Variants in DNAJC1 observed in about 807,000 individuals in gnomAD.
DNAJC1 encodes the protein DnaJ heat shock protein family (Hsp40) member C1.
In DNAJC1, 58 loss-of-function variants were observed where a neutral mutation model predicts 76.6. The ratio of observed to expected loss-of-function variants is 0.76; its 90% CI spans 0.61 to 0.94. The LOEUF (loss-of-function observed/expected upper bound fraction) is 0.94. DNAJC1 is among the 40% of genes least tolerant of loss of function. DNAJC1 has a pLI of 0.00. For missense variants in DNAJC1, 689 were observed against 677.3 expected, an observed-to-expected ratio of 1.02 and a Z score of -0.19; for synonymous variants, 258 against 267.9, an observed-to-expected ratio of 0.96 and a Z score of 0.36.
intron 8 of DNAJC1, among the ~76,000 whole-genome samples, chr10:21,851,456 A>C (rs1467055620): frequency 6.6e-6 from 1 of 152,206 alleles, no homozygotes; most frequent in African/African-American, 2.4e-5. Flanking sequence ...TGGCTATAAC[A>C]ATCACAACCA....
intron 1 of DNAJC1, among the ~76,000 whole-genome samples, chr10:21,974,748 T>C (rs1317602680): frequency 1.3e-5 from 2 of 152,196 alleles, no homozygotes; most frequent in African/African-American, 4.8e-5. Context: ...CACTGTGATA[T>C]TGTTTAAAAT....
chr10:21,861,856 C>CT (rs1384326574), intron 8 of DNAJC1, among the ~76,000 whole-genome samples: 1 of 152,140 alleles, frequency 6.6e-6, no homozygotes, highest in Non-Finnish European at 1.5e-5. Flanking sequence ...ACCAGCAGCC[C>CT]TTGGGGCTGC....
intron 9 of DNAJC1, among the ~76,000 whole-genome samples, chr10:21,768,350 T>C (rs1381830401): frequency 6.6e-6 from 1 of 152,216 alleles, no homozygotes; most frequent in African/African-American, 2.4e-5. Flanking sequence ...TCAGAAAGCA[T>C]GATCATTAAG....
chr10:21,917,778 C>T lies in DNAJC1; in HGVS notation c.729+1001G>A, dbSNP rs74121000. Among the ~76,000 whole-genome samples the T allele has an allele frequency of 5.7e-3, 859 of 151,988 alleles. 8 individuals carry two copies. The highest frequency in any genetic ancestry group is 0.02 in the African/African-American group (813 of 41,528). ...TATAAGCAATAACTATTAAGATGAA[C>T]TATTTTGATGGAAGAACTGGTAATT... On this transcript the variant is annotated intron_variant, in intron 6 of 11. Transcript: ENST00000376980.
chr10:21,783,314 G>C (rs1834558213), intron 9 of DNAJC1, among the ~76,000 whole-genome samples: 1 of 152,130 alleles, frequency 6.6e-6, no homozygotes, highest in South Asian at 2.1e-4. Flanking sequence ...GCTTCAAAGA[G>C]AATAAAATAC....
chr10:21,920,477 T>A (rs1371973697), intron 4 of DNAJC1: 1 of 182,354 alleles, frequency 5.5e-6, no homozygotes, highest in African/African-American at 2.3e-5. Flanking sequence ...CAAAAAAATC[T>A]AAAATCAGTC....
chr10:21,837,907 G>T (rs1393009105), intron 8 of DNAJC1, among the ~76,000 whole-genome samples: 7 of 144,954 alleles, frequency 4.8e-5, no homozygotes, highest in Admixed American at 4.7e-4. Context: ...CGCCCCGTCC[G>T]GGAGGGAGGT....
chr10:21,952,677 T>G (rs1377616093), intron 1 of DNAJC1, among the ~76,000 whole-genome samples: 1 of 152,140 alleles, frequency 6.6e-6, no homozygotes, highest in African/African-American at 2.4e-5. Context: ...GAGAATCACT[T>G]GAAACTGGGA....
At chr10:21,970,242 T>C (rs917910267) in intron 1 of DNAJC1, among the ~76,000 whole-genome samples, 2 of 152,120 alleles carry the variant, frequency 1.3e-5, no homozygotes, top group Non-Finnish European at 2.9e-5. Flanking sequence ...CACTATACAT[T>C]TGGTAAATTC....
chr10:21,815,033 G>A lies in DNAJC1; in HGVS notation c.979-8934C>T, dbSNP rs369652878. 2.6e-5 allele frequency among the ~76,000 whole-genome samples: 4 copies of A among 152,254 alleles called. No individual in the cohort carries two copies. The East Asian group carries it at 7.7e-4, about 29-fold the overall frequency. ...AGTCAGGCAGAGGGGCAAACTCCAC[G>A]ACCTCAGCTAGAAAGCACTGTGGCT... On this transcript the variant is annotated intron_variant, in intron 8 of 11. Transcript: ENST00000376980.
intron 6 of DNAJC1, among the ~76,000 whole-genome samples, chr10:21,918,249 T>A (rs555612648): frequency 4.6e-4 from 70 of 151,874 alleles, no homozygotes; most frequent in African/African-American, 1.5e-3. Flanking sequence ...TATTATTTAA[T>A]CAAGACTAAA....
intron 7 of DNAJC1, among the ~76,000 whole-genome samples, chr10:21,895,316 C>T (rs1206129112): frequency 2.0e-5 from 3 of 152,018 alleles, no homozygotes; most frequent in East Asian, 1.9e-4. Context: ...TCTGATAAGG[C>T]GTTAGTTGGA....
intron 8 of DNAJC1, among the ~76,000 whole-genome samples, chr10:21,838,957 C>T (rs1300908325): frequency 1.3e-5 from 2 of 152,160 alleles, no homozygotes; most frequent in African/African-American, 2.4e-5. Context: ...CACTCAAAAC[C>T]GCTCAACTAC....
intron 1 of DNAJC1, among the ~76,000 whole-genome samples, chr10:21,983,644 C>G (rs1838192475): frequency 6.6e-6 from 1 of 151,450 alleles, no homozygotes; most frequent in East Asian, 1.9e-4. Flanking sequence ...TGACTTGAAC[C>G]TGGGAGGCAG....
At chr10:21,907,670 T>C (rs1250616216) in intron 6 of DNAJC1, among the ~76,000 whole-genome samples, 2 of 152,034 alleles carry the variant, frequency 1.3e-5, no homozygotes, top group Admixed American at 1.3e-4. Context: ...ATGAAAGTTT[T>C]GACTTTGGAT....
At chr10:21,913,903 C>G (rs1057116054) in intron 6 of DNAJC1, among the ~76,000 whole-genome samples, 5 of 152,176 alleles carry the variant, frequency 3.3e-5, no homozygotes, top group Non-Finnish European at 5.9e-5. Flanking sequence ...CTGGGGATCA[C>G]TCTACTTGCT....
At chr10:21,908,792 ACTC>A (rs1454901614) in intron 6 of DNAJC1, among the ~76,000 whole-genome samples, 2 of 152,062 alleles carry the variant, frequency 1.3e-5, no homozygotes, top group Non-Finnish European at 2.9e-5. Flanking sequence ...AACAGAAAGA[ACTC>A]CTATTCTCAA....
chr10:21,832,995 T>C (rs1451703711), intron 8 of DNAJC1, among the ~76,000 whole-genome samples: 1 of 152,222 alleles, frequency 6.6e-6, no homozygotes, highest in Non-Finnish European at 1.5e-5. Flanking sequence ...TTCTGGAATG[T>C]TTTCCCCACC....
At chr10:21,956,484 G>A (rs375184286) in intron 1 of DNAJC1, among the ~76,000 whole-genome samples, 72 of 151,366 alleles carry the variant, frequency 4.8e-4, no homozygotes, top group African/African-American at 1.5e-3. Context: ...GGACACTAGA[G>A]GTATTATTTT....
Sources: gnomAD v4.1 joint callset for allele counts (sites outside exome capture counted in the v4.1 genomes callset) on GRCh38, gnomAD v4.1.1 for gene constraint, MANE v1.5 for transcripts, NCBI Gene and HGNC (gene_info 2026-07-23, HGNC 2026-07-21) for gene names.